Variants in TMEM131L observed in about 807,000 individuals in gnomAD.
The protein encoded by TMEM131L is transmembrane protein 131-like.
TMEM131L carries 54 observed loss-of-function variants against 192.2 expected under a neutral mutation model. That is an observed-to-expected ratio of 0.28 (90% CI 0.23 to 0.35). The LOEUF is 0.35. Among genes scored for constraint, TMEM131L ranks in the 10% least tolerant of loss-of-function variants. TMEM131L has a pLI of 1.00. For missense variants in TMEM131L, 1,888 were observed against 1,972.9 expected (o/e 0.96, Z 0.82); for synonymous variants, 701 against 704.9 (o/e 0.99, Z 0.09).
intron 3 of TMEM131L, among the ~76,000 whole-genome samples, chr4:153,526,595 G>T (rs1037070607): frequency 6.6e-6 from 1 of 152,042 alleles, no homozygotes; most frequent in African/African-American, 2.4e-5. Context: ...AAAATTAGCC[G>T]GGCGTGGTGG....
intron 3 of TMEM131L, among the ~76,000 whole-genome samples, chr4:153,479,997 C>T (rs946137538): frequency 6.6e-6 from 1 of 152,152 alleles, no homozygotes; most frequent in East Asian, 1.9e-4. Context: ...GATCACCTGA[C>T]GTCAGGAGAC....
intron 2 of TMEM131L, among the ~76,000 whole-genome samples, chr4:153,469,316 C>A (rs1730989416): frequency 6.9e-6 from 1 of 145,688 alleles, no homozygotes; most frequent in South Asian, 2.1e-4. Flanking sequence ...GTAAGGGAGA[C>A]ACACACACAC....
intron 18 of TMEM131L, among the ~76,000 whole-genome samples, chr4:153,592,804 G>C (rs1307741816): frequency 6.6e-6 from 1 of 152,164 alleles, no homozygotes; most frequent in African/African-American, 2.4e-5. Flanking sequence ...GTTACTATGC[G>C]AAGTCCACTA....
intron 2 of TMEM131L, among the ~76,000 whole-genome samples, 200 bp downstream of exon 2, chr4:153,467,481 A>G (rs1730846523): frequency 6.6e-6 from 1 of 152,226 alleles, no homozygotes; most frequent in Non-Finnish European, 1.5e-5. Flanking sequence ...ACAGGGCCTG[A>G]GGCAGGCCGG....
chr4:153,633,757 T>C (rs1734384162), intron 32 of TMEM131L, among the ~76,000 whole-genome samples: 1 of 152,208 alleles, frequency 6.6e-6, no homozygotes, highest in Non-Finnish European at 1.5e-5. Context: ...GCAATAGGGA[T>C]CAAAGTATAA....
intron 3 of TMEM131L, among the ~76,000 whole-genome samples, chr4:153,547,527 T>A (rs1411070547): frequency 6.6e-6 from 1 of 152,244 alleles, no homozygotes; most frequent in Non-Finnish European, 1.5e-5. Flanking sequence ...AAGCCTTTGC[T>A]TCATATCTGG....
chr4:153,558,294 G>A lies in TMEM131L; in HGVS notation c.586G>A (p.Gly196Arg). The change falls in exon 7 of 35, where the codon GGG (glycine) becomes AGG (arginine). Residue 196 changes from glycine (G) to arginine (R), a missense_variant. Transcript: ENST00000409959. ...TGGCACTCGTAGAATCTCTACAGAA[G>A]GGTCTGCAAAGCAGCTACCAAATGC... is the stretch of plus-strand genomic sequence containing the variant. ...GIGTRRISTE[G>R]SAKQLPNAYF... is the part of the protein sequence containing the mutation. 6.2e-7 allele frequency: 1 copy of A among 1,608,598 alleles called. No individual in the cohort carries two copies. The highest frequency in any genetic ancestry group is 2.2e-5 in the East Asian group (1 of 44,822).
At chr4:153,521,024 G>T (rs577545844) in intron 3 of TMEM131L, among the ~76,000 whole-genome samples, 1 of 152,316 alleles carries the variant, frequency 6.6e-6, no homozygotes, top group African/African-American at 2.4e-5. Flanking sequence ...AGTTCTTTGT[G>T]TGTGTGATTT....
At position 153,603,453 on chromosome 4, in the gene TMEM131L, G is replaced by T; in HGVS notation, c.2789+1G>T. On this transcript the variant is annotated splice_donor_variant, in intron 24 of 34. Transcript: ENST00000409959. LOFTEE classifies it high-confidence loss of function. The stretch of plus-strand genomic sequence containing the variant: ...ATGTAATCAGCCCCCATTCTTACAA[G>T]TAAGAATTCTTATAGTGTGGTTGGG... The T allele has an allele frequency of 6.2e-7, 1 of 1,612,884 alleles. No homozygotes were observed. Among genetic ancestry groups the T allele is most frequent in the Non-Finnish European group, 8.5e-7 (1 of 1,179,602 alleles).
At chr4:153,563,381 C>G (rs1728969253) in intron 7 of TMEM131L, among the ~76,000 whole-genome samples, 1 of 149,136 alleles carries the variant, frequency 6.7e-6, no homozygotes, top group Non-Finnish European at 1.5e-5. Context: ...CAGAAGGTAA[C>G]TGATCTTTTG....
In TMEM131L at chr4:153,623,057, T is replaced by C; in HGVS notation, c.4019T>C (p.Val1340Ala). Residue 1340 changes from valine to alanine, a missense_variant, in exon 29 of 35, where the codon GTG (valine) becomes GCG (alanine). Transcript: ENST00000409959. ...SSSDGDKKPM[V>A]DAQHFLPAGD... ...TCCGACGGGGATAAGAAGCCCATGG[T>C]GGACGCCCAGCACTTCCTGCCGGCC... 6.2e-7 allele frequency: 1 copy of C among 1,610,922 alleles called. No homozygotes were observed. The highest frequency in any genetic ancestry group is 8.5e-7 in the Non-Finnish European group (1 of 1,178,596).
At chr4:153,514,725 AAAG>A (rs1734589656) in intron 3 of TMEM131L, among the ~76,000 whole-genome samples, 1 of 152,346 alleles carries the variant, frequency 6.6e-6, no homozygotes, top group Admixed American at 6.5e-5. Context: ...TATAAAATAT[AAAG>A]AAGAAAAATA....
chr4:153,561,064 T>C (rs1728815855), intron 7 of TMEM131L, among the ~76,000 whole-genome samples: 1 of 152,238 alleles, frequency 6.6e-6, no homozygotes, highest in Admixed American at 6.5e-5. Context: ...TTGTTTGTTT[T>C]TTAAATAGCC....
intron 3 of TMEM131L, among the ~76,000 whole-genome samples, chr4:153,524,243 C>G (rs111399483): frequency 6.6e-6 from 1 of 151,356 alleles, no homozygotes; most frequent in Non-Finnish European, 1.5e-5. Flanking sequence ...GAGTTCCCTT[C>G]CAGGGCATGT....
intron 3 of TMEM131L, among the ~76,000 whole-genome samples, chr4:153,543,222 C>T (rs938668501): frequency 1.3e-5 from 2 of 152,134 alleles, no homozygotes; most frequent in African/African-American, 4.8e-5. Flanking sequence ...CTGGTTTCTG[C>T]CTCTATTGTT....
intron 28 of TMEM131L, 122 bp downstream of exon 28, chr4:153,621,971 A>T: frequency 1.1e-6 from 1 of 936,324 alleles, no homozygotes; most frequent in Admixed American, 2.7e-5. Flanking sequence ...TTAGCTAATA[A>T]CTAAAGCCCC....
At chr4:153,625,354 A>C (rs1365706171) in intron 29 of TMEM131L, among the ~76,000 whole-genome samples, 1 of 151,722 alleles carries the variant, frequency 6.6e-6, no homozygotes, top group Non-Finnish European at 1.5e-5. Flanking sequence ...TCGCCACTGC[A>C]CTCCAGCCTG....
chr4:153,614,266 A>C (rs1732822629), intron 26 of TMEM131L, among the ~76,000 whole-genome samples: 1 of 152,230 alleles, frequency 6.6e-6, no homozygotes, highest in African/African-American at 2.4e-5. Context: ...TTGAATGCTG[A>C]TTGAAAGTTC....
intron 32 of TMEM131L, 60 bp downstream of exon 32, chr4:153,632,898 T>C (rs1734312124): frequency 2.5e-6 from 4 of 1,591,734 alleles, no homozygotes; most frequent in Non-Finnish European, 3.4e-6. Context: ...AGTTGGAATT[T>C]GAGTTCAGTT....
Sources: allele counts gnomAD v4.1 joint callset (sites outside exome capture counted in the v4.1 genomes callset), GRCh38; gene constraint gnomAD v4.1.1; transcripts MANE v1.5; gene names NCBI Gene and HGNC (gene_info 2026-07-23, HGNC 2026-07-21).